The following TOX variants were observed in gnomAD, a reference collection of about 807,000 sequenced individuals.
The protein encoded by TOX is thymocyte selection-associated high mobility group box protein TOX.
A neutral mutation model predicts 53.7 loss-of-function variants in TOX; 11 were observed. The ratio of observed to expected loss-of-function variants is 0.20; its 90% CI spans 0.13 to 0.34. The LOEUF (loss-of-function observed/expected upper bound fraction) is 0.34, where lower values mean the gene tolerates loss of function less well. Ranked by LOEUF, TOX falls within the 10% of genes least tolerant of loss-of-function variation. The pLI, the probability that TOX is intolerant of heterozygous loss-of-function variation, is 1.00. For synonymous variants in TOX, 225 were observed against 245.3 expected (o/e 0.92, Z 0.77); for missense variants, 570 against 664.6 (o/e 0.86, Z 1.56).
At chr8:59,042,343 A>G (rs1296402172) in intron 1 of TOX, among the ~76,000 whole-genome samples, 1 of 152,220 alleles carries the variant, frequency 6.6e-6, no homozygotes, top group Non-Finnish European at 1.5e-5. Flanking sequence ...ACGCCATTTC[A>G]GAGCTTACTG....
chr8:58,873,209 T>C (rs770689985), intron 3 of TOX, among the ~76,000 whole-genome samples: 8 of 152,106 alleles, frequency 5.3e-5, no homozygotes, highest in Admixed American at 1.3e-4. Context: ...AATGGTTTCT[T>C]TATAAATTAA....
intron 3 of TOX, among the ~76,000 whole-genome samples, chr8:58,873,375 C>T (rs1811228525): frequency 6.6e-6 from 1 of 152,100 alleles, no homozygotes; most frequent in African/African-American, 2.4e-5. Context: ...TGACTTCTTG[C>T]ACCCTTTTAA....
intron 1 of TOX, among the ~76,000 whole-genome samples, chr8:58,998,493 G>GTATATATATATATATA (rs61434586): frequency 3.0e-4 from 19 of 63,608 alleles, no homozygotes; most frequent in African/African-American, 5.5e-4. Context: ...CATCTCAAAA[G>GTATATATATATATATA]TATATATATA....
At chr8:59,074,359 G>A (rs552131485) in intron 1 of TOX, among the ~76,000 whole-genome samples, 3 of 152,182 alleles carry the variant, frequency 2.0e-5, no homozygotes, top group Non-Finnish European at 4.4e-5. Flanking sequence ...AGAAGCAGAT[G>A]AAGAGTGAAG....
At chr8:58,909,421 A>G (rs867047138) in intron 3 of TOX, among the ~76,000 whole-genome samples, 1 of 152,194 alleles carries the variant, frequency 6.6e-6, no homozygotes, top group Non-Finnish European at 1.5e-5. Context: ...CATCCTGTAC[A>G]TGCTGAATCA....
chr8:58,830,532 C>T (rs1810435980), intron 5 of TOX, among the ~76,000 whole-genome samples: 1 of 152,116 alleles, frequency 6.6e-6, no homozygotes, highest in South Asian at 2.1e-4. Flanking sequence ...ATATGACAAA[C>T]TCAAACAGAA....
At position 58,934,582 on chromosome 8, in the gene TOX, A is replaced by G. The variant is rs1465761504; in HGVS notation, c.411+4720T>C. 3.3e-5 allele frequency among the ~76,000 whole-genome samples: 5 copies of G among 152,330 alleles called. No individual in the cohort carries two copies. In the South Asian group the frequency reaches 6.2e-4, roughly 19 times the overall value. Reference sequence around the variant, plus strand: ...GATTTGAACTGACGCACTCTGGCCCAAAGACATCAATTTGAATCACAATGA... The same window carrying G: ...GATTTGAACTGACGCACTCTGGCCCGAAGACATCAATTTGAATCACAATGA... On this transcript the variant is annotated intron_variant, in intron 3 of 8. Coordinates refer to ENST00000361421, the MANE Select transcript of TOX (RefSeq NM_014729.3).
At chr8:59,033,532 A>C (rs774000911) in intron 1 of TOX, among the ~76,000 whole-genome samples, 5 of 152,240 alleles carry the variant, frequency 3.3e-5, no homozygotes, top group Non-Finnish European at 7.3e-5. Context: ...GGTAAATTTC[A>C]TATTATGTGA....
chr8:58,998,191 C>A (rs1350212667), intron 1 of TOX, among the ~76,000 whole-genome samples: 7 of 148,986 alleles, frequency 4.7e-5, no homozygotes, highest in South Asian at 2.1e-4. Context: ...AGCCTTAATT[C>A]AAAAAAAAAT....
intron 1 of TOX, among the ~76,000 whole-genome samples, chr8:59,065,405 T>G (rs1178072781): frequency 6.6e-6 from 1 of 152,196 alleles, no homozygotes; most frequent in Non-Finnish European, 1.5e-5. Flanking sequence ...TCCTTTGCCA[T>G]GTAAAATTAA....
At position 58,815,773 on chromosome 8, in the gene TOX, T is replaced by C. The variant is rs1041216980; in HGVS notation, c.1006-49A>G. On this transcript the variant is annotated intron_variant, in intron 6 of 8. Transcript: ENST00000361421. The stretch of plus-strand genomic sequence containing the variant: ...AGTTGGGAGGCTGATACATGAGTGT[T>C]GATTCAAGGTATGACGCTTTGTGAG... 3.9e-6 allele frequency: 6 copies of C among 1,546,816 alleles called. No individual in the cohort carries two copies. In the East Asian group the frequency reaches 6.8e-5, roughly 17 times the overall value.
At chr8:58,911,607 GGCTGAACTGAA>G (rs1450003391) in intron 3 of TOX, among the ~76,000 whole-genome samples, 2 of 152,172 alleles carry the variant, frequency 1.3e-5, no homozygotes, top group Non-Finnish European at 2.9e-5. Flanking sequence ...ATGCTGACAT[GGCTGAACTGAA>G]GCTGATTATT....
chr8:58,807,860 T>C (rs369079227), intron 8 of TOX, 77 bp from the exon 9 acceptor site: 33 of 1,562,892 alleles, frequency 2.1e-5, no homozygotes, highest in South Asian at 3.4e-5. Flanking sequence ...GATGGATGTC[T>C]TTGAATTATT....
chr8:58,815,758 C>G, intron 6 of TOX, 34 bp from the exon 7 acceptor site: 1 of 1,567,134 alleles, frequency 6.4e-7, no homozygotes, highest in Non-Finnish European at 8.6e-7. Flanking sequence ...AGTTGGGAGG[C>G]TGATACATGA....
At chr8:59,082,230 G>A (rs1185403124) in intron 1 of TOX, among the ~76,000 whole-genome samples, 2 of 152,154 alleles carry the variant, frequency 1.3e-5, no homozygotes, top group Admixed American at 1.3e-4. Flanking sequence ...TCTAATTAGA[G>A]GACCACTAAT....
At chr8:58,962,089 T>C (rs567356106) in intron 1 of TOX, among the ~76,000 whole-genome samples, 2 of 152,342 alleles carry the variant, frequency 1.3e-5, no homozygotes, top group South Asian at 4.1e-4. Context: ...TTACTTTCTA[T>C]TTCATCTTCT....
chr8:59,002,080 T>C (rs2129418171), intron 1 of TOX, among the ~76,000 whole-genome samples: 1 of 149,504 alleles, frequency 6.7e-6, no homozygotes, highest in Admixed American at 6.7e-5. Flanking sequence ...ATTCAAGTAA[T>C]TATCCTGCTG....
In TOX at chr8:59,063,080, T is replaced by C. The variant is rs1017889124; in HGVS notation, c.102+55806A>G. On this transcript the variant is annotated intron_variant, in intron 1 of 8. Coordinates refer to ENST00000361421, the MANE Select transcript of TOX (RefSeq NM_014729.3). ...TTCAGAAAAGGCATTTTTTTGGCCA[T>C]CAAATGCACATTTTGAGTAGGTATT... Among the ~76,000 whole-genome samples the C allele has an allele frequency of 7.2e-5, 11 of 152,286 alleles. No individual in the cohort carries two copies. The South Asian group carries it at 1.7e-3, about 23-fold the overall frequency.
chr8:58,810,477 A>G (rs1277506072), intron 7 of TOX, among the ~76,000 whole-genome samples: 1 of 152,090 alleles, frequency 6.6e-6, no homozygotes, highest in Non-Finnish European at 1.5e-5. Flanking sequence ...AGTAGCTGGG[A>G]CTACAGGTGC....
Sources: allele counts gnomAD v4.1 joint callset (sites outside exome capture counted in the v4.1 genomes callset), GRCh38; gene constraint gnomAD v4.1.1; transcripts MANE v1.5; gene names NCBI Gene and HGNC (gene_info 2026-07-23, HGNC 2026-07-21).